The following PCDH9 variants were observed in gnomAD, a reference collection of about 807,000 sequenced individuals.
PCDH9 encodes the protein protocadherin-9.
A neutral mutation model predicts 70.6 loss-of-function variants in PCDH9; 24 were observed. That is an observed-to-expected ratio of 0.34 (90% CI 0.25 to 0.48). PCDH9 has a LOEUF of 0.48. PCDH9 is among the 20% of genes least tolerant of loss of function. The pLI is 0.99. For missense variants in PCDH9, 1,281 were observed against 1,503.6 expected (o/e 0.85, Z 2.45); for synonymous variants, 562 against 558.5 (o/e 1.01, Z -0.09).
At chr13:66,381,255 T>C (rs547609620) in intron 4 of PCDH9, among the ~76,000 whole-genome samples, 20 of 152,282 alleles carry the variant, frequency 1.3e-4, no homozygotes, top group African/African-American at 4.6e-4. Context: ...TTTGAATTCA[T>C]TATGAAAAAT....
At position 66,452,454 on chromosome 13, in the gene PCDH9, T is replaced by C. The variant is rs1035373424; in HGVS notation, c.3341-147426A>G. The stretch of plus-strand genomic sequence containing the variant: ...TGGATGGGTTTCTGACTGTTCCCTC[T>C]TCCTCATCCCCATTTATAATATTTA... On this transcript the variant is annotated intron_variant, in intron 4 of 4. Transcript: ENST00000377865. 6.6e-5 allele frequency among the ~76,000 whole-genome samples: 10 copies of C among 152,178 alleles called. No individual in the cohort carries two copies. The East Asian group carries it at 7.7e-4, about 12-fold the overall frequency.
intron 3 of PCDH9, among the ~76,000 whole-genome samples, chr13:66,734,963 T>A (rs1223576695): frequency 1.3e-5 from 2 of 152,198 alleles, no homozygotes; most frequent in African/African-American, 4.8e-5. Flanking sequence ...CTGAGTTGAT[T>A]AAGGCAGACA....
At chr13:66,968,673 A>T (rs1344725009) in intron 2 of PCDH9, among the ~76,000 whole-genome samples, 1 of 152,050 alleles carries the variant, frequency 6.6e-6, no homozygotes, top group East Asian at 1.9e-4. Flanking sequence ...TGATAAGCAT[A>T]ACCTATCATA....
rs960968877 is a variant in PCDH9 at position 66,691,003 on chromosome 13, C to T, written c.3139-59592G>A. Reference sequence around the variant, plus strand: ...TTTTAAATAATGTATTTTACCTAAACGTAAATCATTTTATTTTGTAAATTT... The same window carrying T: ...TTTTAAATAATGTATTTTACCTAAATGTAAATCATTTTATTTTGTAAATTT... On this transcript the variant is annotated intron_variant, in intron 3 of 4. Coordinates refer to ENST00000377865, the MANE Select transcript of PCDH9 (RefSeq NM_203487.3). Among the ~76,000 whole-genome samples the T allele has an allele frequency of 2.0e-5, 3 of 152,056 alleles. No homozygotes were observed. In the East Asian group the frequency reaches 5.8e-4, roughly 29 times the overall value.
At chr13:66,920,973 T>A (rs2082628289) in intron 2 of PCDH9, among the ~76,000 whole-genome samples, 1 of 151,284 alleles carries the variant, frequency 6.6e-6, no homozygotes, top group Admixed American at 6.6e-5. Context: ...ACCATTTACA[T>A]AAAACTATCT....
At chr13:66,677,219 C>G (rs1436107444) in intron 3 of PCDH9, among the ~76,000 whole-genome samples, 1 of 151,940 alleles carries the variant, frequency 6.6e-6, no homozygotes, top group Admixed American at 6.6e-5. Context: ...GCTATCTAAT[C>G]AATGGGAAAT....
intron 4 of PCDH9, among the ~76,000 whole-genome samples, chr13:66,512,415 A>C (rs1959523986): frequency 6.6e-6 from 1 of 151,988 alleles, no homozygotes; most frequent in South Asian, 2.1e-4. Flanking sequence ...AATAATAGTT[A>C]ATGTTCCCTT....
At chr13:66,699,138 T>A (rs1438985896) in intron 3 of PCDH9, among the ~76,000 whole-genome samples, 1 of 152,060 alleles carries the variant, frequency 6.6e-6, no homozygotes, top group Admixed American at 6.6e-5. Flanking sequence ...GGTCTTGAAC[T>A]CCTGACCTTA....
At chr13:66,626,809 G>T (rs2138920700) in intron 4 of PCDH9, among the ~76,000 whole-genome samples, 1 of 152,164 alleles carries the variant, frequency 6.6e-6, no homozygotes, top group Non-Finnish European at 1.5e-5. Flanking sequence ...TTTTGGCATT[G>T]CATGTAAAGA....
chr13:66,377,170 G>A (rs1956764188), intron 4 of PCDH9, among the ~76,000 whole-genome samples: 2 of 152,162 alleles, frequency 1.3e-5, no homozygotes, highest in Admixed American at 6.5e-5. Context: ...ATGGACCGAA[G>A]TGGGACAGTC....
intron 3 of PCDH9, among the ~76,000 whole-genome samples, chr13:66,688,779 T>C (rs374513068): frequency 1.4e-4 from 22 of 152,314 alleles, no homozygotes; most frequent in African/African-American, 4.8e-4. Flanking sequence ...TTGCATATTT[T>C]CAAAGCATCT....
chr13:66,555,689 A>G (rs1422192054), intron 4 of PCDH9, among the ~76,000 whole-genome samples: 1 of 151,748 alleles, frequency 6.6e-6, no homozygotes, highest in Non-Finnish European at 1.5e-5. Context: ...ACAATATATG[A>G]GCTGAATGAA....
At chr13:66,307,384 C>T (rs1163226990) in intron 4 of PCDH9, among the ~76,000 whole-genome samples, 1 of 152,012 alleles carries the variant, frequency 6.6e-6, no homozygotes, top group African/African-American at 2.4e-5. Flanking sequence ...AAAGATATCT[C>T]CTGCTTAAAG....
intron 2 of PCDH9, among the ~76,000 whole-genome samples, chr13:67,159,981 T>C (rs1003672285): frequency 6.6e-6 from 1 of 152,180 alleles, no homozygotes; most frequent in Non-Finnish European, 1.5e-5. Context: ...AAGAAACTCC[T>C]GATATGAACT....
At chr13:66,601,998 C>T (rs964889989) in intron 4 of PCDH9, among the ~76,000 whole-genome samples, 2 of 145,534 alleles carry the variant, frequency 1.4e-5, no homozygotes, top group African/African-American at 4.9e-5. Flanking sequence ...GCACATACTC[C>T]TTCTACTTAT....
At chr13:66,887,663 A>G (rs912190254) in intron 3 of PCDH9, among the ~76,000 whole-genome samples, 5 of 152,250 alleles carry the variant, frequency 3.3e-5, no homozygotes, top group African/African-American at 1.2e-4. Context: ...ATATACATTC[A>G]GAAGTGAATA....
chr13:66,603,022 G>T (rs577807764), intron 4 of PCDH9, among the ~76,000 whole-genome samples: 1 of 146,106 alleles, frequency 6.8e-6, no homozygotes, highest in Admixed American at 6.9e-5. Flanking sequence ...ATCTAGGTTT[G>T]TGTAAGTACC....
rs566925858 is a variant in PCDH9, at chr13:66,665,145, C to T, written c.3139-33734G>A. ...TTTTGAGACGGAGTTTTGCTCTTGT[C>T]GCCCAGGCTGGAGGGCAACAGTGAG... On this transcript the variant is annotated intron_variant, in intron 3 of 4. Transcript: ENST00000377865. Among the ~76,000 whole-genome samples the T allele has an allele frequency of 1.5e-3, 224 of 146,978 alleles. 1 individual carries two copies. The highest frequency in any genetic ancestry group is 0.011 in the Middle Eastern group (3 of 274).
chr13:66,309,023 GTTTTTA>G (rs989527061), intron 4 of PCDH9, among the ~76,000 whole-genome samples: 1 of 152,018 alleles, frequency 6.6e-6, no homozygotes, highest in African/African-American at 2.4e-5. Context: ...TGCTTTAAAA[GTTTTTA>G]TTTTTAATTT....
Sources: gnomAD v4.1 joint callset for allele counts (sites outside exome capture counted in the v4.1 genomes callset) on GRCh38, gnomAD v4.1.1 for gene constraint, MANE v1.5 for transcripts, NCBI Gene and HGNC (gene_info 2026-07-23, HGNC 2026-07-21) for gene names.